Variants in LGSN observed in about 807,000 individuals in gnomAD.
LGSN encodes lengsin, lens protein with glutamine synthetase domain, also known as lengsin.
LGSN carries 21 observed loss-of-function variants against 19.5 expected under a neutral mutation model. That is an observed-to-expected ratio of 1.07 (90% CI 0.76 to 1.55). LGSN has a LOEUF of 1.55. Ranked by LOEUF, LGSN falls within the 40% of genes most tolerant of loss-of-function variation. LGSN has a pLI of 0.00. For missense variants in LGSN, 673 were observed against 608.5 expected, an observed-to-expected ratio of 1.11 and a Z score of -1.12; for synonymous variants, 257 against 215.6, an observed-to-expected ratio of 1.19 and a Z score of -1.68.
At chr6:63,481,339 C>T in the LGSN span, among the ~76,000 whole-genome samples, 1 of 138,732 alleles carries the variant, frequency 7.2e-6, no homozygotes, top group East Asian at 2.2e-4. Context: ...CCACTTGTAC[C>T]CCAAAAGCTA....
the LGSN span, among the ~76,000 whole-genome samples, chr6:63,436,811 G>A: frequency 6.6e-6 from 1 of 152,266 alleles, no homozygotes; most frequent in South Asian, 2.1e-4. Context: ...TGAGGCAGGT[G>A]GATTGCTTTA....
the LGSN span, among the ~76,000 whole-genome samples, chr6:63,428,496 C>T: frequency 3.9e-5 from 6 of 152,236 alleles, no homozygotes; most frequent in East Asian, 7.7e-4. Context: ...GGACTACAGA[C>T]GTGCACCACC....
rs1029677414 is a variant in LGSN at position 63,285,642 on chromosome 6, G to C, written c.275C>G (p.Ala92Gly). 7 of 1,614,008 alleles carry C rather than the reference G, an allele frequency of 4.3e-6. No individual in the cohort carries two copies. The highest frequency in any genetic ancestry group is 1.7e-4 in the Middle Eastern group (1 of 6,060). ...CCTGGACACGCCGTGGAGGTCTGTT[G>C]CTTCAAATCGTACAAACTGGAGGCG... ...KNRLQFVRFEATDLHGVSRSK... is the reference protein window; with the variant it reads ...KNRLQFVRFEGTDLHGVSRSK... Residue 92 changes from alanine to glycine, a missense_variant, in exon 3 of 4, where the codon GCA (alanine) becomes GGA (glycine). Physicochemically the swap from Ala to Gly is moderately conservative, Grantham distance 60 (BLOSUM62 0). Transcript: ENST00000370657.
chr6:63,456,447 T>C, the LGSN span, among the ~76,000 whole-genome samples: 1 of 143,900 alleles, frequency 6.9e-6, no homozygotes, highest in South Asian at 2.2e-4. Context: ...CCCAGACTGG[T>C]CTCAAACTCC....
At chr6:63,558,976 G>A in the LGSN span, among the ~76,000 whole-genome samples, 2 of 152,122 alleles carry the variant, frequency 1.3e-5, no homozygotes, top group Non-Finnish European at 2.9e-5. Flanking sequence ...AATGTTGAAG[G>A]GTGATTAGCT....
chr6:63,433,845 A>G, the LGSN span, among the ~76,000 whole-genome samples: 9 of 152,186 alleles, frequency 5.9e-5, no homozygotes, highest in Non-Finnish European at 1.3e-4. Flanking sequence ...TAATATTTAA[A>G]CAGTTTTAAG....
chr6:63,489,961 C>T, the LGSN span, among the ~76,000 whole-genome samples: 8 of 152,048 alleles, frequency 5.3e-5, no homozygotes, highest in Non-Finnish European at 1.0e-4. Flanking sequence ...TCACTTGCCT[C>T]AGCCTCCCAA....
the LGSN span, among the ~76,000 whole-genome samples, chr6:63,522,271 A>C: frequency 6.6e-6 from 1 of 152,188 alleles, no homozygotes; most frequent in Admixed American, 6.6e-5. Flanking sequence ...TACTTATTTG[A>C]ATTTAGATGA....
chr6:63,557,125 C>T, the LGSN span, among the ~76,000 whole-genome samples: 2 of 152,130 alleles, frequency 1.3e-5, no homozygotes, highest in African/African-American at 4.8e-5. Context: ...TGGAATTCTT[C>T]AAAGGGTGTG....
the LGSN span, among the ~76,000 whole-genome samples, chr6:63,437,599 C>T: frequency 1.3e-5 from 2 of 152,184 alleles, no homozygotes; most frequent in African/African-American, 4.8e-5. Context: ...AATGTATTTG[C>T]TGAAATTCCA....
At chr6:63,370,975 C>T in the LGSN span, among the ~76,000 whole-genome samples, 6 of 152,162 alleles carry the variant, frequency 3.9e-5, no homozygotes, top group Admixed American at 2.0e-4. Context: ...AGATTTTTAT[C>T]ATGCGCAATT....
the LGSN span, among the ~76,000 whole-genome samples, chr6:63,543,200 C>T: frequency 0.025 from 3,757 of 152,302 alleles, 69 homozygotes; most frequent in Middle Eastern, 0.048. Flanking sequence ...GTTTGCCAGA[C>T]TTGTCCCTGT....
At chr6:63,456,696 C>G in the LGSN span, among the ~76,000 whole-genome samples, 2 of 152,070 alleles carry the variant, frequency 1.3e-5, no homozygotes, top group Non-Finnish European at 2.9e-5. Flanking sequence ...GGGTCTGTCA[C>G]CAGACGTAGC....
the LGSN span, among the ~76,000 whole-genome samples, chr6:63,526,884 A>T: frequency 1.4e-5 from 2 of 146,414 alleles, no homozygotes; most frequent in Non-Finnish European, 3.0e-5. Context: ...CATTACTTGC[A>T]CTATCTACAG....
At chr6:63,509,424 A>T in the LGSN span, among the ~76,000 whole-genome samples, 16 of 152,284 alleles carry the variant, frequency 1.1e-4, no homozygotes, top group Non-Finnish European at 1.9e-4. Flanking sequence ...ACAATACAAA[A>T]TTCAATGAAA....
At chr6:63,403,889 T>A in the LGSN span, among the ~76,000 whole-genome samples, 2 of 152,184 alleles carry the variant, frequency 1.3e-5, no homozygotes, top group Admixed American at 6.6e-5. Flanking sequence ...GTAAAGGCAA[T>A]GAGATACACG....
the LGSN span, among the ~76,000 whole-genome samples, chr6:63,364,706 T>C: frequency 2.0e-5 from 3 of 149,072 alleles, no homozygotes; most frequent in African/African-American, 5.2e-5. Context: ...CCTCAGCAAA[T>C]GTAAAAGAAC....
the LGSN span, among the ~76,000 whole-genome samples, chr6:63,532,389 C>G: frequency 6.6e-6 from 1 of 152,158 alleles, no homozygotes; most frequent in East Asian, 1.9e-4. Context: ...TGAATCTCCT[C>G]TATGCTCACA....
At chr6:63,312,176 ACTTTTT>A (rs1177216679) in intron 1 of LGSN, among the ~76,000 whole-genome samples, 6 of 152,136 alleles carry the variant, frequency 3.9e-5, no homozygotes, top group Non-Finnish European at 5.9e-5. Flanking sequence ...TATATATATC[ACTTTTT>A]CTTTATCCAT....
Sources: gnomAD v4.1 joint callset for allele counts (sites outside exome capture counted in the v4.1 genomes callset) on GRCh38, gnomAD v4.1.1 for gene constraint, MANE v1.5 for transcripts, NCBI Gene and HGNC (gene_info 2026-07-23, HGNC 2026-07-21) for gene names.